Variants in USP28 observed in about 807,000 individuals in gnomAD.
USP28 encodes ubiquitin carboxyl-terminal hydrolase 28.
Under a neutral mutation model 145.0 loss-of-function variants are expected in USP28, and 113 were observed. The observed-to-expected ratio is 0.78, with a 90% CI of 0.67 to 0.91. USP28 has a LOEUF of 0.91. USP28 is among the 40% of genes least tolerant of loss of function. USP28 has a pLI of 0.00. For missense variants in USP28, 1,201 were observed against 1,289.6 expected (o/e 0.93, Z 1.05); for synonymous variants, 447 against 450.9 (o/e 0.99, Z 0.11).
chr11:113,829,356 A>G lies in USP28; in HGVS notation c.911-11T>C, dbSNP rs1230932943. On this transcript the variant is annotated splice_polypyrimidine_tract_variant and intron_variant, in intron 9 of 24. Transcript: ENST00000003302. ...TACAAAAGGGTTTTCCTAGGCAAAGAGAGAGACTTTTTAAAAAAGACATCA... is the reference window on the plus strand; with the variant it reads ...TACAAAAGGGTTTTCCTAGGCAAAGGGAGAGACTTTTTAAAAAAGACATCA... 1 of 1,611,852 alleles carries G rather than the reference A, an allele frequency of 6.2e-7. No individual in the cohort carries two copies. The highest frequency in any genetic ancestry group is 1.4e-5 in the African/African-American group (1 of 73,284).
chr11:113,855,531 G>C (rs1025425871), intron 1 of USP28, among the ~76,000 whole-genome samples: 1 of 152,166 alleles, frequency 6.6e-6, no homozygotes. Flanking sequence ...AGCTATAATA[G>C]AAACAGTATC....
At chr11:113,837,553 T>C (rs2136095889) in intron 5 of USP28, among the ~76,000 whole-genome samples, 1 of 152,354 alleles carries the variant, frequency 6.6e-6, no homozygotes, top group South Asian at 2.1e-4. Context: ...TATCTGTTCT[T>C]TGACTTCAGC....
intron 1 of USP28, among the ~76,000 whole-genome samples, chr11:113,865,253 G>A (rs967512666): frequency 2.6e-5 from 4 of 152,076 alleles, no homozygotes; most frequent in Admixed American, 6.6e-5. Context: ...TGGGGGTTGC[G>A]GGGAACTCTA....
intron 1 of USP28, chr11:113,874,901 T>C (rs1038362578): frequency 9.8e-5 from 98 of 1,002,202 alleles, no homozygotes; most frequent in South Asian, 4.9e-4. Flanking sequence ...AAGGCAATAA[T>C]TGGGGAGGCT....
intron 5 of USP28, among the ~76,000 whole-genome samples, chr11:113,839,281 G>A (rs563692284): frequency 6.6e-5 from 10 of 152,292 alleles, no homozygotes; most frequent in Middle Eastern, 6.8e-3. Flanking sequence ...CTCAGACTCG[G>A]CATATCTAAA....
intron 24 of USP28, among the ~76,000 whole-genome samples, chr11:113,799,672 A>G (rs1938580885): frequency 6.6e-6 from 1 of 152,246 alleles, no homozygotes; most frequent in Non-Finnish European, 1.5e-5. Flanking sequence ...TTAAAATACA[A>G]GGAAGTAGAT....
intron 1 of USP28, among the ~76,000 whole-genome samples, chr11:113,869,248 C>T (rs936669420): frequency 8.5e-5 from 13 of 152,268 alleles, no homozygotes; most frequent in African/African-American, 2.6e-4. Flanking sequence ...GCCTGGCCAA[C>T]ATGGTGAAAC....
rs539924565 is a variant in USP28, at chr11:113,864,135, G to A, written c.58-9800C>T. 4.6e-5 allele frequency among the ~76,000 whole-genome samples: 7 copies of A among 152,068 alleles called. No homozygotes were observed. In the South Asian group the frequency reaches 1.2e-3, roughly 27 times the overall value. On this transcript the variant is annotated intron_variant, in intron 1 of 24. Transcript: ENST00000003302. ...ATGTGCCTGTAGTCCCAGCTACTCG[G>A]GAGGCTGAGGCGGGAGAATCCCTTG...
chr11:113,818,942 CT>C (rs982401016), intron 12 of USP28, among the ~76,000 whole-genome samples: 6 of 151,640 alleles, frequency 4.0e-5, no homozygotes, highest in African/African-American at 1.2e-4. Flanking sequence ...TACTGAATTC[CT>C]TTATACAACT....
At chr11:113,814,967 G>T (rs377032892) in intron 14 of USP28, among the ~76,000 whole-genome samples, 2 of 151,752 alleles carry the variant, frequency 1.3e-5, no homozygotes, top group Non-Finnish European at 2.9e-5. Context: ...CATGAAAATC[G>T]CCTGAACCCG....
At chr11:113,854,906 A>G (rs555295007) in intron 1 of USP28, among the ~76,000 whole-genome samples, 7 of 152,362 alleles carry the variant, frequency 4.6e-5, no homozygotes, top group Admixed American at 3.3e-4. Flanking sequence ...TGGACACTTA[A>G]AAGTTCTCCA....
chr11:113,856,542 G>A (rs549128423), intron 1 of USP28, among the ~76,000 whole-genome samples: 8 of 152,106 alleles, frequency 5.3e-5, no homozygotes, highest in African/African-American at 1.2e-4. Flanking sequence ...TAGGTATTAC[G>A]CCTGTCCTAC....
At chr11:113,868,421 A>ATTATTAAAG (rs147803004) in intron 1 of USP28, among the ~76,000 whole-genome samples, 29,419 of 151,950 alleles carry the variant, frequency 0.19, 2,903 homozygotes, top group Non-Finnish European at 0.21. Flanking sequence ...AGTTATTAAA[A>ATTATTAAAG]TTATTAAAGT....
intron 2 of USP28, among the ~76,000 whole-genome samples, chr11:113,852,878 T>C (rs1245060157): frequency 6.6e-6 from 1 of 152,094 alleles, no homozygotes; most frequent in Non-Finnish European, 1.5e-5. Context: ...GAAATCTTGA[T>C]GGAGATTTGT....
At chr11:113,861,176 T>C (rs986936997) in intron 1 of USP28, among the ~76,000 whole-genome samples, 1 of 151,858 alleles carries the variant, frequency 6.6e-6, no homozygotes, top group South Asian at 2.1e-4. Flanking sequence ...GTTGCTAACC[T>C]TTCCAACCTC....
intron 5 of USP28, among the ~76,000 whole-genome samples, chr11:113,839,428 T>C (rs977135771): frequency 6.6e-6 from 1 of 151,154 alleles, no homozygotes; most frequent in African/African-American, 2.4e-5. Flanking sequence ...CTACTAAAAA[T>C]ACAAAAATTA....
chr11:113,834,971 G>C (rs1944408149), intron 5 of USP28, among the ~76,000 whole-genome samples: 1 of 152,068 alleles, frequency 6.6e-6, no homozygotes, highest in African/African-American at 2.4e-5. Flanking sequence ...TATTGTTCAG[G>C]GATACATCCA....
intron 20 of USP28, 51 bp downstream of exon 21, chr11:113,804,817 C>A (rs1219421805): frequency 1.2e-6 from 2 of 1,610,928 alleles, no homozygotes; most frequent in East Asian, 2.2e-5. Context: ...ACAGAGGAGT[C>A]CATCTAGCCC....
chr11:113,830,933 T>G (rs1423995082), exon 9 of USP28: 1 of 1,614,052 alleles, frequency 6.2e-7, no homozygotes, highest in South Asian at 1.1e-5. Flanking sequence ...TCAGATTTGT[T>G]CCTGGGACTG....
Sources: gnomAD v4.1 joint callset for allele counts (sites outside exome capture counted in the v4.1 genomes callset) on GRCh38, gnomAD v4.1.1 for gene constraint, MANE v1.5 for transcripts, NCBI Gene and HGNC (gene_info 2026-07-23, HGNC 2026-07-21) for gene names.